The following NOSTRIN variants were observed in gnomAD, a reference collection of about 807,000 sequenced individuals.
NOSTRIN encodes BM247 homolog.
In NOSTRIN, 63 loss-of-function variants were observed where a neutral mutation model predicts 59.0. The observed-to-expected ratio is 1.07, with a 90% confidence interval of 0.87 to 1.32. The LOEUF is 1.32. Among genes scored for constraint, NOSTRIN ranks in the 40% most tolerant of loss-of-function variants. The pLI is 0.00. For missense variants in NOSTRIN, 512 were observed against 473.1 expected (o/e 1.08, Z -0.76); for synonymous variants, 200 against 165.4 (o/e 1.21, Z -1.61).
At chr2:168,815,469 A>C (rs1686346371) in intron 2 of NOSTRIN, among the ~76,000 whole-genome samples, 1 of 152,196 alleles carries the variant, frequency 6.6e-6, no homozygotes, top group African/African-American at 2.4e-5. Context: ...CTTTGACTGG[A>C]AAATCAATTG....
At chr2:168,841,301 T>G (rs1042360124) in intron 7 of NOSTRIN, among the ~76,000 whole-genome samples, 149 of 146,612 alleles carry the variant, frequency 1.0e-3, no homozygotes, top group African/African-American at 3.4e-3. Flanking sequence ...TAAATATATA[T>G]ATATAAAGTT....
intron 1 of NOSTRIN, among the ~76,000 whole-genome samples, chr2:168,810,736 G>A (rs1559106994): frequency 6.6e-6 from 1 of 152,280 alleles, no homozygotes; most frequent in Non-Finnish European, 1.5e-5. Context: ...CCTCCCAGAT[G>A]GAAACCATGA....
intron 2 of NOSTRIN, among the ~76,000 whole-genome samples, chr2:168,822,831 A>C (rs1245174595): frequency 2.6e-5 from 4 of 152,108 alleles, no homozygotes; most frequent in African/African-American, 9.7e-5. Flanking sequence ...AAGTAATAGA[A>C]ATTCATTTTC....
rs563422187 is a variant in NOSTRIN at position 168,813,080 on chromosome 2, C to T, written c.113+1428C>T. On this transcript the variant is annotated intron_variant, in intron 2 of 15. Transcript: ENST00000317647. Reference sequence around the variant, plus strand: ...TGCTCTGGTTCCATGACAGAGAAAGCGGGAGGTGCCATCTGAGAGGGAATT... The same window carrying T: ...TGCTCTGGTTCCATGACAGAGAAAGTGGGAGGTGCCATCTGAGAGGGAATT... Among the ~76,000 whole-genome samples the T allele has an allele frequency of 2.2e-4, 34 of 152,220 alleles. No individual in the cohort carries two copies. The South Asian group carries it at 4.6e-3, about 20-fold the overall frequency.
intron 3 of NOSTRIN, among the ~76,000 whole-genome samples, chr2:168,826,896 C>G (rs765576714): frequency 6.6e-6 from 1 of 152,126 alleles, no homozygotes; most frequent in Non-Finnish European, 1.5e-5. Context: ...CCACCCAACT[C>G]CAAGCAACCA....
At chr2:168,834,177 G>T in intron 6 of NOSTRIN, 50 bp from the exon 7 acceptor site, 1 of 831,426 alleles carries the variant, frequency 1.2e-6, no homozygotes, top group Non-Finnish European at 2.1e-6. Context: ...GTTTTCTCTT[G>T]GCATCAGCCT....
At chr2:168,809,755 T>C (rs1173378342) in intron 1 of NOSTRIN, among the ~76,000 whole-genome samples, 1 of 147,778 alleles carries the variant, frequency 6.8e-6, no homozygotes, top group Non-Finnish European at 1.5e-5. Flanking sequence ...TATTTATATA[T>C]TAAATATAAA....
At chr2:168,863,042 C>A (rs181123881) in intron 15 of NOSTRIN, among the ~76,000 whole-genome samples, 3 of 152,104 alleles carry the variant, frequency 2.0e-5, no homozygotes, top group East Asian at 3.9e-4. Context: ...AGACATACTT[C>A]CCAGATGCCA....
At position 168,861,036 on chromosome 2, in the gene NOSTRIN, C is replaced by T. The variant is rs1192437525; in HGVS notation, c.1294+127C>T. The T allele has an allele frequency of 3.1e-5, 19 of 612,340 alleles. No individual in the cohort carries two copies. The South Asian group carries it at 4.0e-4, about 13-fold the overall frequency. 37.9% of individuals were successfully genotyped at this position (612,340 alleles called of 1,614,324 possible). A position where few individuals can be genotyped will look rare whatever the true frequency, so the allele number is the denominator to read the frequency against. ...AAGGAAATTTATATTTCCATTGGGACCGATTAATTTGTTAGACTCTGTAGC... is the reference window on the plus strand; with the variant it reads ...AAGGAAATTTATATTTCCATTGGGATCGATTAATTTGTTAGACTCTGTAGC... On this transcript the variant is annotated intron_variant, in intron 14 of 15. Transcript: ENST00000317647.
chr2:168,842,806 C>T (rs555517990), intron 7 of NOSTRIN, among the ~76,000 whole-genome samples, 186 bp from the exon 8 acceptor site: 1 of 152,228 alleles, frequency 6.6e-6, no homozygotes, highest in South Asian at 2.1e-4. Context: ...CTTGGGTTTC[C>T]TTTAGGTTTG....
At chr2:168,857,544 G>A (rs1020700362) in intron 12 of NOSTRIN, among the ~76,000 whole-genome samples, 2 of 152,180 alleles carry the variant, frequency 1.3e-5, no homozygotes, top group African/African-American at 4.8e-5. Context: ...GACATTCGTG[G>A]GGATTGATGG....
chr2:168,862,763 A>ATTTC (rs1689546523), intron 15 of NOSTRIN, among the ~76,000 whole-genome samples: 1 of 152,126 alleles, frequency 6.6e-6, no homozygotes, highest in Admixed American at 6.5e-5. Context: ...AACCTTCTTT[A>ATTTC]TGTGTCCAGT....
At chr2:168,815,794 C>A (rs565747697) in intron 2 of NOSTRIN, among the ~76,000 whole-genome samples, 3 of 152,284 alleles carry the variant, frequency 2.0e-5, no homozygotes, top group African/African-American at 7.2e-5. Flanking sequence ...TATTGGACAT[C>A]TCCACCTGGA....
At chr2:168,854,393 G>A (rs184328104) in intron 10 of NOSTRIN, among the ~76,000 whole-genome samples, 57 of 152,062 alleles carry the variant, frequency 3.7e-4, no homozygotes, top group African/African-American at 1.2e-3. Flanking sequence ...TTAGTTTCCC[G>A]TCTTTCTCCA....
At chr2:168,862,658 T>C (rs1019541431) in intron 15 of NOSTRIN, among the ~76,000 whole-genome samples, 4 of 152,232 alleles carry the variant, frequency 2.6e-5, no homozygotes, top group African/African-American at 9.6e-5. Flanking sequence ...ATCCCCTTCT[T>C]TGTGTCACAG....
At chr2:168,793,230 C>T (rs1685401422), upstream of NOSTRIN, among the ~76,000 whole-genome samples, 1 of 152,200 alleles carries the variant, frequency 6.6e-6, no homozygotes, top group Non-Finnish European at 1.5e-5. Context: ...TTCCTGGCAA[C>T]AGCCTCCCCA....
At chr2:168,858,508 T>C (rs1049923383) in intron 12 of NOSTRIN, among the ~76,000 whole-genome samples, 3 of 152,260 alleles carry the variant, frequency 2.0e-5, no homozygotes, top group Middle Eastern at 3.4e-3. Context: ...ATAAGAAAAA[T>C]TGTTGAGAAA....
upstream of NOSTRIN, among the ~76,000 whole-genome samples, chr2:168,797,948 C>G (rs1015037490): frequency 9.2e-5 from 14 of 151,960 alleles, no homozygotes; most frequent in Admixed American, 2.6e-4. Context: ...TCAGGATACC[C>G]CCTCATATCA....
At position 168,817,678 on chromosome 2, in the gene NOSTRIN, C is replaced by T. The variant is rs1040564794; in HGVS notation, c.113+6026C>T. 3.9e-5 allele frequency among the ~76,000 whole-genome samples: 6 copies of T among 152,160 alleles called. No homozygotes were observed. The East Asian group carries it at 5.8e-4, about 15-fold the overall frequency. ...GAAGTTCTAGAGCTGCCATTGCTTA[C>T]GTTTTCCCTGGGCCAGAGTGAGCCG... is the stretch of plus-strand genomic sequence containing the variant. On this transcript the variant is annotated intron_variant, in intron 2 of 15. Transcript: ENST00000317647.
Sources: allele counts gnomAD v4.1 joint callset (sites outside exome capture counted in the v4.1 genomes callset), GRCh38; gene constraint gnomAD v4.1.1; transcripts MANE v1.5; gene names NCBI Gene and HGNC (gene_info 2026-07-23, HGNC 2026-07-21).